PDZRN3: variants seen among roughly 807,000 people sequenced by gnomAD.
PDZRN3 encodes PDZ domain containing ring finger 3.
In PDZRN3, 38 loss-of-function variants were observed where a neutral mutation model predicts 85.7. The ratio of observed to expected loss-of-function variants is 0.44; its 90% CI spans 0.34 to 0.58. The LOEUF (loss-of-function observed/expected upper bound fraction) is 0.58. PDZRN3 is among the 20% of genes least tolerant of loss of function. The pLI is 0.01. For missense variants in PDZRN3, 1,629 were observed against 1,506.4 expected (o/e 1.08, Z -1.35); for synonymous variants, 759 against 638.0 (o/e 1.19, Z -2.86).
intron 3 of PDZRN3, among the ~76,000 whole-genome samples, chr3:73,499,626 G>A (rs574056053): frequency 2.6e-5 from 4 of 152,282 alleles, no homozygotes; most frequent in Admixed American, 6.5e-5. Flanking sequence ...ATAAGAAATC[G>A]ATGAAATTTT....
intron 3 of PDZRN3, among the ~76,000 whole-genome samples, chr3:73,419,979 A>G (rs1413139522): frequency 6.6e-6 from 1 of 152,252 alleles, no homozygotes; most frequent in Non-Finnish European, 1.5e-5. Flanking sequence ...ATACACCACC[A>G]TCCACACAGA....
intron 8 of PDZRN3, among the ~76,000 whole-genome samples, chr3:73,386,803 C>T (rs990904110): frequency 6.6e-6 from 1 of 152,176 alleles, no homozygotes; most frequent in African/African-American, 2.4e-5. Flanking sequence ...TCCCTTTGAG[C>T]TCATGAGGCT....
chr3:73,473,514 T>C (rs965358954), intron 3 of PDZRN3, among the ~76,000 whole-genome samples: 2 of 151,874 alleles, frequency 1.3e-5, no homozygotes, highest in Non-Finnish European at 2.9e-5. Flanking sequence ...TTAAACATTA[T>C]AGGAATTATG....
intron 3 of PDZRN3, among the ~76,000 whole-genome samples, chr3:73,546,511 A>G (rs1701426571): frequency 6.6e-6 from 1 of 152,234 alleles, no homozygotes; most frequent in South Asian, 2.1e-4. Flanking sequence ...TACTTGTGCC[A>G]TGCCCATTCA....
At chr3:73,411,526 C>T (rs147943548) in intron 3 of PDZRN3, among the ~76,000 whole-genome samples, 9 of 152,260 alleles carry the variant, frequency 5.9e-5, no homozygotes, top group Non-Finnish European at 1.3e-4. Flanking sequence ...GAAGAGAAGC[C>T]TTCCTCTAAA....
At chr3:73,418,702 T>C (rs1702140866) in intron 3 of PDZRN3, among the ~76,000 whole-genome samples, 1 of 152,326 alleles carries the variant, frequency 6.6e-6, no homozygotes, top group East Asian at 1.9e-4. Flanking sequence ...CAGTTAAAAC[T>C]TCCTGACTTC....
chr3:73,501,343 G>T (rs1377496368), intron 3 of PDZRN3, among the ~76,000 whole-genome samples: 2 of 152,062 alleles, frequency 1.3e-5, no homozygotes, highest in Admixed American at 6.6e-5. Flanking sequence ...CTCCATTCAG[G>T]ATCTCATCTA....
intron 3 of PDZRN3, among the ~76,000 whole-genome samples, chr3:73,541,031 G>A (rs114520093): frequency 1.4e-3 from 206 of 152,294 alleles, no homozygotes; most frequent in African/African-American, 3.6e-3. Flanking sequence ...AACTTCTTAA[G>A]AAGCAAAGGG....
At chr3:73,461,560 C>G (rs968078328) in intron 3 of PDZRN3, among the ~76,000 whole-genome samples, 1 of 152,248 alleles carries the variant, frequency 6.6e-6, no homozygotes, top group Non-Finnish European at 1.5e-5. Context: ...GAGACACCAT[C>G]TCCCCATCCT....
chr3:73,584,510 C>G (rs1023047677), intron 3 of PDZRN3, among the ~76,000 whole-genome samples: 1 of 143,058 alleles, frequency 7.0e-6, no homozygotes, highest in African/African-American at 2.6e-5. Flanking sequence ...TATGCATATG[C>G]GTTGTGGATA....
In PDZRN3 at chr3:73,581,787, T is replaced by C. The variant is rs1356841810; in HGVS notation, c.918+20567A>G. Among the ~76,000 whole-genome samples, 4 of 148,918 alleles carry C rather than the reference T, an allele frequency of 2.7e-5. No individual in the cohort carries two copies. In the South Asian group the frequency reaches 6.6e-4, roughly 25 times the overall value. ...AAAATGAGCACAGGAGGGTTGCTTCTGTGTAAAGACAATGATTAAAAAAAA... is the reference window on the plus strand; with the variant it reads ...AAAATGAGCACAGGAGGGTTGCTTCCGTGTAAAGACAATGATTAAAAAAAA... On this transcript the variant is annotated intron_variant, in intron 3 of 9. Coordinates refer to ENST00000263666, the MANE Select transcript of PDZRN3 (RefSeq NM_015009.3).
At chr3:73,423,660 T>A (rs1702246445) in intron 3 of PDZRN3, among the ~76,000 whole-genome samples, 1 of 152,240 alleles carries the variant, frequency 6.6e-6, no homozygotes, top group South Asian at 2.1e-4. Context: ...GAAAATCTTT[T>A]TACAGATGAA....
intron 3 of PDZRN3, among the ~76,000 whole-genome samples, chr3:73,521,671 G>A (rs559224573): frequency 1.3e-5 from 2 of 152,094 alleles, no homozygotes; most frequent in Non-Finnish European, 1.5e-5. Flanking sequence ...TGCATACTGC[G>A]TTGTAATTAT....
intron 4 of PDZRN3, 166 bp from the exon 5 acceptor site, chr3:73,401,175 A>G (rs1041820568): frequency 3.5e-6 from 2 of 578,710 alleles, no homozygotes; most frequent in Admixed American, 2.8e-5. Context: ...GACCTCCATC[A>G]TCCTAATTTT....
At chr3:73,569,724 G>C (rs937886108) in intron 3 of PDZRN3, among the ~76,000 whole-genome samples, 6 of 152,180 alleles carry the variant, frequency 3.9e-5, no homozygotes, top group Non-Finnish European at 7.4e-5. Context: ...GCCTACCCCT[G>C]GCCAAAGGTC....
At chr3:73,565,117 ATTTTTTTTTTT>A (rs202184460) in intron 3 of PDZRN3, among the ~76,000 whole-genome samples, 24 of 139,022 alleles carry the variant, frequency 1.7e-4, no homozygotes, top group African/African-American at 6.6e-4. Flanking sequence ...ATATCCACCA[ATTTTTTTTTTT>A]TTTTTTTTTT....
rs184660804 is a variant in PDZRN3 at position 73,519,379 on chromosome 3, C to T, written c.918+82975G>A. The stretch of plus-strand genomic sequence containing the variant: ...CAGCACGAAGGCTATTTTCTACCAG[C>T]AAACTCAGAATAGAGTCTAAAAGCG... On this transcript the variant is annotated intron_variant, in intron 3 of 9. Coordinates refer to ENST00000263666, the MANE Select transcript of PDZRN3 (RefSeq NM_015009.3). 7.4e-4 allele frequency among the ~76,000 whole-genome samples: 112 copies of T among 152,306 alleles called. 1 individual carries two copies. The highest frequency in any genetic ancestry group is 2.6e-3 in the African/African-American group (107 of 41,570).
chr3:73,395,768 G>GAGAT (rs1266975291), intron 5 of PDZRN3, among the ~76,000 whole-genome samples: 12 of 152,194 alleles, frequency 7.9e-5, no homozygotes, highest in African/African-American at 2.4e-4. Context: ...CCTTATGTTT[G>GAGAT]AGATAGGGTA....
At chr3:73,408,851 G>A (rs755479063) in intron 3 of PDZRN3, among the ~76,000 whole-genome samples, 2 of 151,994 alleles carry the variant, frequency 1.3e-5, no homozygotes, top group African/African-American at 2.4e-5. Context: ...TCAGCCAACC[G>A]AGAATGACAA....
Sources: gnomAD v4.1 joint callset for allele counts (sites outside exome capture counted in the v4.1 genomes callset) on GRCh38, gnomAD v4.1.1 for gene constraint, MANE v1.5 for transcripts, NCBI Gene and HGNC (gene_info 2026-07-23, HGNC 2026-07-21) for gene names.